ADAMTSL1: variants seen among roughly 807,000 people sequenced by gnomAD.
The protein encoded by ADAMTSL1 is ADAMTS like 1, also known as ADAMTS-like protein 1.
A neutral mutation model predicts 201.8 loss-of-function variants in ADAMTSL1; 126 were observed. That is an observed-to-expected ratio of 0.62 (90% CI 0.54 to 0.72). ADAMTSL1 has a LOEUF of 0.72. Among genes scored for constraint, ADAMTSL1 ranks in the 30% least tolerant of loss-of-function variants. The probability of loss-of-function intolerance (pLI) is 0.00; values close to 1 mark genes in which losing one functional copy is unlikely to be tolerated. For missense variants in ADAMTSL1, 2,679 were observed against 2,277.8 expected (o/e 1.18, Z -3.59); for synonymous variants, 1,121 against 903.4 (o/e 1.24, Z -4.32).
In ADAMTSL1 at chr9:18,186,464, C is replaced by G. The variant is rs1484470262; in HGVS notation, c.207+22483C>G. On this transcript the variant is annotated intron_variant, in intron 2 of 29. Coordinates refer to the ADAMTSL1 transcript ENST00000680146. ...GAATTTGAAGCTTTGTTGCCTAGTC[C>G]CTACCCAAATACATCCTAGTCATGT... Among the ~76,000 whole-genome samples, 4 of 152,096 alleles carry G rather than the reference C, an allele frequency of 2.6e-5. No individual in the cohort carries two copies. In the South Asian group the frequency reaches 8.3e-4, roughly 32 times the overall value.
chr9:17,989,405 T>G (rs1819060586), intron 1 of ADAMTSL1, among the ~76,000 whole-genome samples: 1 of 151,992 alleles, frequency 6.6e-6, no homozygotes, highest in African/African-American at 2.4e-5. Context: ...TGCTTTATCA[T>G]AATTTAATTA....
chr9:18,572,324 A>G (rs1415565434), intron 3 of ADAMTSL1, among the ~76,000 whole-genome samples: 1 of 152,204 alleles, frequency 6.6e-6, no homozygotes, highest in African/African-American at 2.4e-5. Flanking sequence ...ATAAACGTGT[A>G]AACAGCCTGT....
chr9:17,985,928 C>G (rs552500070), intron 1 of ADAMTSL1, among the ~76,000 whole-genome samples: 2 of 152,110 alleles, frequency 1.3e-5, no homozygotes, highest in East Asian at 3.9e-4. Flanking sequence ...GAATCCTGGC[C>G]CAGGACTCTT....
rs142186996 is a variant in ADAMTSL1, at chr9:18,010,790, C to T, written c.87+103868C>T. ...GCGCAATTACCAAACCCGACACCAC[C>T]GTGCAATGTAGCCAGATTCTTCTAA... On this transcript the variant is annotated intron_variant, in intron 1 of 29. Coordinates refer to the ADAMTSL1 transcript ENST00000680146. Among the ~76,000 whole-genome samples, 161 of 152,022 alleles carry T rather than the reference C, an allele frequency of 1.1e-3. 1 individual carries two copies. In the Middle Eastern group the frequency reaches 0.02, roughly 19 times the overall value.
intron 1 of ADAMTSL1, among the ~76,000 whole-genome samples, chr9:17,942,144 G>C (rs890077090): frequency 1.3e-5 from 2 of 152,138 alleles, no homozygotes; most frequent in African/African-American, 4.8e-5. Flanking sequence ...GAAGTTACCA[G>C]AGGCAGGGGG....
At chr9:18,705,466 G>A (rs960372751) in intron 13 of ADAMTSL1, among the ~76,000 whole-genome samples, 3 of 152,108 alleles carry the variant, frequency 2.0e-5, no homozygotes, top group Non-Finnish European at 4.4e-5. Flanking sequence ...GACATTTTTG[G>A]AGATTTGGGT....
rs552324875 is a variant in ADAMTSL1, at chr9:18,584,458, A to G, written c.474+10192A>G. ...AGGTATGTCTTTATCAGCAGCATGG[A>G]AACAGACTAATACATCGCTGAAAGT... On this transcript the variant is annotated intron_variant, in intron 4 of 28. Coordinates refer to ENST00000380548, the MANE Select transcript of ADAMTSL1 (RefSeq NM_001040272.6). Among the ~76,000 whole-genome samples, 109 of 152,230 alleles carry G rather than the reference A, an allele frequency of 7.2e-4. 1 individual carries two copies. The highest frequency in any genetic ancestry group is 1.7e-3 in the South Asian group (8 of 4,828).
intron 14 of ADAMTSL1, 67 bp from the exon 15 acceptor site, chr9:18,721,469 A>G: frequency 1.3e-6 from 2 of 1,583,346 alleles, no homozygotes; most frequent in Non-Finnish European, 1.7e-6. Context: ...TGCCTTGTCT[A>G]CACTTCATCA....
chr9:17,941,238 C>G (rs112047576), intron 1 of ADAMTSL1, among the ~76,000 whole-genome samples: 14 of 152,086 alleles, frequency 9.2e-5, no homozygotes, highest in African/African-American at 3.4e-4. Flanking sequence ...GAAAATCTTC[C>G]CATTCTTCTC....
At chr9:18,806,736 G>A (rs1823144496) in intron 20 of ADAMTSL1, among the ~76,000 whole-genome samples, 1 of 152,150 alleles carries the variant, frequency 6.6e-6, no homozygotes, top group East Asian at 1.9e-4. Context: ...ATGGATTTCT[G>A]AGCATTGCTC....
intron 17 of ADAMTSL1, among the ~76,000 whole-genome samples, chr9:18,771,376 G>A (rs910286642): frequency 3.3e-5 from 5 of 152,134 alleles, no homozygotes; most frequent in East Asian, 1.9e-4. Flanking sequence ...CACCATTCCC[G>A]ACTTTATCTG....
At chr9:18,612,628 C>T (rs528806066) in intron 4 of ADAMTSL1, among the ~76,000 whole-genome samples, 1 of 152,242 alleles carries the variant, frequency 6.6e-6, no homozygotes, top group East Asian at 1.9e-4. Context: ...GGAAAGGATT[C>T]CTTATTCAAT....
intron 9 of ADAMTSL1, among the ~76,000 whole-genome samples, chr9:18,665,888 GT>G (rs1386238749): frequency 1.2e-4 from 18 of 152,112 alleles, no homozygotes; most frequent in Admixed American, 3.3e-4. Context: ...TTAAAAGACT[GT>G]AATGAAAACA....
intron 1 of ADAMTSL1, among the ~76,000 whole-genome samples, chr9:18,087,140 T>C (rs1304466074): frequency 6.6e-6 from 1 of 152,198 alleles, no homozygotes; most frequent in Non-Finnish European, 1.5e-5. Flanking sequence ...TGCTTTCATT[T>C]TTCTCATTTA....
intron 1 of ADAMTSL1, among the ~76,000 whole-genome samples, chr9:18,070,083 G>T (rs1319949021): frequency 6.6e-6 from 1 of 152,184 alleles, no homozygotes; most frequent in Non-Finnish European, 1.5e-5. Flanking sequence ...TAGATGTGAG[G>T]CTACAGGTCT....
chr9:18,199,261 A>G lies in ADAMTSL1; in HGVS notation c.207+35280A>G, dbSNP rs904463933. ...GTACCCTAAAACTTAAAGTGTAATA[A>G]TAATAAAAAAAGAAAAAAAGTACGG... On this transcript the variant is annotated intron_variant, in intron 2 of 29. Coordinates refer to the ADAMTSL1 transcript ENST00000680146. Among the ~76,000 whole-genome samples, 7 of 152,102 alleles carry G rather than the reference A, an allele frequency of 4.6e-5. No individual in the cohort carries two copies. The East Asian group carries it at 1.3e-3, about 29-fold the overall frequency.
chr9:17,989,547 A>G (rs1280333059), intron 1 of ADAMTSL1, among the ~76,000 whole-genome samples: 1 of 152,046 alleles, frequency 6.6e-6, no homozygotes, highest in Non-Finnish European at 1.5e-5. Context: ...AAATGAATTT[A>G]TTTCAAAAGC....
intron 2 of ADAMTSL1, among the ~76,000 whole-genome samples, chr9:18,468,644 A>C (rs1478013792): frequency 6.6e-6 from 1 of 152,236 alleles, no homozygotes; most frequent in Non-Finnish European, 1.5e-5. Context: ...AGAAAGTTTC[A>C]GCAATTTATT....
chr9:18,183,118 C>T (rs1828575528), intron 2 of ADAMTSL1, among the ~76,000 whole-genome samples: 1 of 152,184 alleles, frequency 6.6e-6, no homozygotes, highest in South Asian at 2.1e-4. Context: ...GGAGCAAACG[C>T]AACACAGTGA....
Sources: allele counts gnomAD v4.1 joint callset (sites outside exome capture counted in the v4.1 genomes callset), GRCh38; gene constraint gnomAD v4.1.1; transcripts MANE v1.5; gene names NCBI Gene and HGNC (gene_info 2026-07-23, HGNC 2026-07-21).